The following DIP2C variants were observed in gnomAD, a reference collection of about 807,000 sequenced individuals.
DIP2C encodes the protein disco-interacting protein 2 homolog C.
In DIP2C, 33 loss-of-function variants were observed where a neutral mutation model predicts 192.4. That is an observed-to-expected ratio of 0.17 (90% CI 0.13 to 0.23). The LOEUF (loss-of-function observed/expected upper bound fraction) is 0.23. DIP2C is among the 10% of genes least tolerant of loss of function. DIP2C has a pLI of 1.00. For missense variants in DIP2C, 1,537 were observed against 2,110.1 expected, an observed-to-expected ratio of 0.73 and a Z score of 5.32; for synonymous variants, 979 against 864.1, an observed-to-expected ratio of 1.13 and a Z score of -2.33.
intron 1 of DIP2C, among the ~76,000 whole-genome samples, chr10:521,707 G>A (rs1008103721): frequency 2.0e-5 from 3 of 152,236 alleles, no homozygotes; most frequent in Admixed American, 6.5e-5. Context: ...AATCCTGAAT[G>A]TAGAACACAG....
At position 415,908 on chromosome 10, in the gene DIP2C, G is replaced by T. The variant is rs567707313; in HGVS notation, c.740-20C>A. 2.5e-6 allele frequency: 4 copies of T among 1,613,422 alleles called. No homozygotes were observed. The highest frequency in any genetic ancestry group is 2.2e-5 in the East Asian group (1 of 44,872). ...GTACTCCTGAAAAACAGGAATCAGC[G>T]GGTGGGGAAAGCGATCATCACAGCT... On this transcript the variant is annotated intron_variant, in intron 6 of 36. Transcript: ENST00000280886.
intron 1 of DIP2C, among the ~76,000 whole-genome samples, chr10:522,569 G>A (rs994230389): frequency 2.6e-5 from 4 of 152,228 alleles, no homozygotes; most frequent in Admixed American, 6.5e-5. Context: ...CGGCGGTGTC[G>A]CAGTTCCAGT....
intron 17 of DIP2C, among the ~76,000 whole-genome samples, chr10:377,583 C>A (rs765359029): frequency 2.6e-5 from 4 of 152,258 alleles, no homozygotes; most frequent in African/African-American, 4.8e-5. Context: ...CTCTTACATG[C>A]GGGATTATGG....
intron 9 of DIP2C, among the ~76,000 whole-genome samples, chr10:401,929 G>A (rs61836852): frequency 0.029 from 2,446 of 84,174 alleles, 20 homozygotes; most frequent in Middle Eastern, 0.13. Context: ...TAGCATTAGC[G>A]TTACTCTTCC....
intron 1 of DIP2C, among the ~76,000 whole-genome samples, chr10:504,058 T>C (rs1007631759): frequency 1.6e-4 from 25 of 152,346 alleles, no homozygotes; most frequent in African/African-American, 5.8e-4. Context: ...CCTGAGAGGA[T>C]TTCATGGAAA....
At position 602,963 on chromosome 10, in the gene DIP2C, G is replaced by A. The variant is rs76578513; in HGVS notation, c.85+86531C>T. 2.7e-3 allele frequency among the ~76,000 whole-genome samples: 417 copies of A among 152,200 alleles called. 17 individuals carry two copies. The East Asian group carries it at 0.064, about 23-fold the overall frequency. On this transcript the variant is annotated intron_variant, in intron 1 of 36. Transcript: ENST00000280886. ...ACCCCTCACCGGAGCCGTTGGGGGA[G>A]GCAAGAGTGCTGGGTGATTAACAAT...
intron 1 of DIP2C, among the ~76,000 whole-genome samples, chr10:566,818 T>A (rs932907877): frequency 6.6e-6 from 1 of 152,234 alleles, no homozygotes; most frequent in African/African-American, 2.4e-5. Context: ...GAGCAGCGTC[T>A]ATGGCTGCTG....
chr10:392,653 C>A (rs184189218), intron 10 of DIP2C, among the ~76,000 whole-genome samples: 1 of 152,322 alleles, frequency 6.6e-6, no homozygotes, highest in Non-Finnish European at 1.5e-5. Context: ...CCATGTCTCA[C>A]CCTACACACC....
chr10:594,091 G>A (rs1331523156), intron 1 of DIP2C, among the ~76,000 whole-genome samples: 1 of 152,200 alleles, frequency 6.6e-6, no homozygotes, highest in East Asian at 1.9e-4. Context: ...ATCCTCAGAC[G>A]TTTACGCAGT....
intron 1 of DIP2C, among the ~76,000 whole-genome samples, chr10:655,636 CTG>C (rs988606407): frequency 3.3e-5 from 5 of 152,196 alleles, no homozygotes; most frequent in Admixed American, 1.3e-4. Flanking sequence ...TAATACCATG[CTG>C]TGTGTTCTAA....
At chr10:624,875 CG>C (rs138844787) in intron 1 of DIP2C, among the ~76,000 whole-genome samples, 5 of 151,186 alleles carry the variant, frequency 3.3e-5, no homozygotes, top group East Asian at 1.9e-4. Flanking sequence ...CGGGAGAACC[CG>C]GGGGGGGAGC....
chr10:287,669 G>GAAAA (rs34102226), intron 33 of DIP2C, among the ~76,000 whole-genome samples: 3 of 124,034 alleles, frequency 2.4e-5, no homozygotes, highest in African/African-American at 3.0e-5. Flanking sequence ...GGCCGAAACG[G>GAAAA]AAAAAAAAAA....
intron 1 of DIP2C, among the ~76,000 whole-genome samples, chr10:622,126 T>A (rs981860188): frequency 2.0e-5 from 3 of 150,724 alleles, no homozygotes; most frequent in African/African-American, 7.3e-5. Flanking sequence ...GGATTCCCAT[T>A]AGAAAGGCTG....
intron 32 of DIP2C, among the ~76,000 whole-genome samples, chr10:300,253 C>A (rs540910851): frequency 9.2e-5 from 14 of 152,202 alleles, no homozygotes; most frequent in South Asian, 2.1e-4. Flanking sequence ...AAGTGAACAT[C>A]GGCAGACAAT....
At chr10:649,879 C>T (rs1855742910) in intron 1 of DIP2C, 4 of 563,844 alleles carry the variant, frequency 7.1e-6, no homozygotes, top group Admixed American at 6.7e-5. Flanking sequence ...CAAACAGGTG[C>T]ATGGTCCCCT....
intron 1 of DIP2C, among the ~76,000 whole-genome samples, chr10:533,979 G>A (rs1847557156): frequency 6.7e-6 from 1 of 148,378 alleles, no homozygotes; most frequent in Admixed American, 6.8e-5. Context: ...AAAGGCTGAA[G>A]GAATTAGGGT....
chr10:344,136 G>C (rs1316977555), intron 28 of DIP2C, among the ~76,000 whole-genome samples: 2 of 152,234 alleles, frequency 1.3e-5, no homozygotes, highest in Non-Finnish European at 2.9e-5. Flanking sequence ...CTTCTCTTCT[G>C]GCTATGACAG....
At chr10:466,156 AACCAAAACAGCATGGTACTGGT>A (rs1483144216) in intron 3 of DIP2C, among the ~76,000 whole-genome samples, 4 of 151,462 alleles carry the variant, frequency 2.6e-5, no homozygotes, top group African/African-American at 9.7e-5. Context: ...AAGCTACAGT[AACCAAAACAGCATGGTACTGGT>A]ACCAAAACAG....
intron 1 of DIP2C, among the ~76,000 whole-genome samples, chr10:571,051 G>A (rs1021913689): frequency 2.6e-5 from 4 of 152,202 alleles, no homozygotes; most frequent in East Asian, 1.9e-4. Flanking sequence ...CTGGCCTAAC[G>A]ACACGAGAGT....
Sources: gnomAD v4.1 joint callset for allele counts (sites outside exome capture counted in the v4.1 genomes callset) on GRCh38, gnomAD v4.1.1 for gene constraint, MANE v1.5 for transcripts, NCBI Gene and HGNC (gene_info 2026-07-23, HGNC 2026-07-21) for gene names.